Variants in DGLUCY observed in about 807,000 individuals in gnomAD.
DGLUCY encodes D-glutamate cyclase, mitochondrial.
In DGLUCY, 58 loss-of-function variants were observed where a neutral mutation model predicts 58.5. The observed-to-expected ratio is 0.99, with a 90% CI of 0.80 to 1.23. DGLUCY has a LOEUF of 1.23. Ranked by LOEUF, DGLUCY falls within the 50% of genes most tolerant of loss-of-function variation. The pLI is 0.00. For synonymous variants in DGLUCY, 325 were observed against 314.1 expected (o/e 1.03, Z -0.37); for missense variants, 779 against 784.7 (o/e 0.99, Z 0.09).
chr14:91,217,651 ATTT>A (rs577500781), intron 13 of DGLUCY, among the ~76,000 whole-genome samples: 1 of 151,196 alleles, frequency 6.6e-6, no homozygotes, highest in South Asian at 2.1e-4. Context: ...TGCCCAGCTA[ATTT>A]TTTTTGTATT....
At chr14:91,070,855 C>A (rs2043903205) in intron 1 of DGLUCY, among the ~76,000 whole-genome samples, 1 of 152,060 alleles carries the variant, frequency 6.6e-6, no homozygotes, top group South Asian at 2.1e-4. Context: ...CTTGAGTCAG[C>A]AGGTAGAAAG....
intron 1 of DGLUCY, among the ~76,000 whole-genome samples, chr14:91,130,673 G>C (rs188142603): frequency 9.9e-5 from 15 of 152,144 alleles, no homozygotes; most frequent in African/African-American, 3.6e-4. Context: ...AGGCTGGAGT[G>C]CAGTCGTGCA....
chr14:91,071,118 G>T (rs1414710420), intron 1 of DGLUCY, among the ~76,000 whole-genome samples: 5 of 151,768 alleles, frequency 3.3e-5, no homozygotes, highest in Non-Finnish European at 7.4e-5. Flanking sequence ...AGATCACAAG[G>T]TCAGGAGATA....
intron 6 of DGLUCY, chr14:91,173,711 G>T: frequency 2.7e-6 from 1 of 366,838 alleles, no homozygotes; most frequent in Admixed American, 4.3e-5. Context: ...GGCTCTGGCA[G>T]CTGTATCAGG....
In DGLUCY at chr14:91,224,669, C is replaced by T. The variant is rs769630080; in HGVS notation, c.1717-15C>T. 1 of 1,582,554 alleles carries T rather than the reference C, an allele frequency of 6.3e-7. No individual in the cohort carries two copies. The highest frequency in any genetic ancestry group is 1.1e-5 in the South Asian group (1 of 89,048). The stretch of plus-strand genomic sequence containing the variant: ...CCCCCTCCACTCCTTCTATTTCTGC[C>T]CTATTTTTTTCCAGGAAGAAAAAAT... On this transcript the variant is annotated splice_polypyrimidine_tract_variant and intron_variant, in intron 13 of 13. Coordinates refer to ENST00000256324, the MANE Select transcript of DGLUCY (RefSeq NM_001102368.3).
chr14:91,209,569 G>T (rs1226940567), intron 12 of DGLUCY, among the ~76,000 whole-genome samples: 6 of 152,074 alleles, frequency 3.9e-5, no homozygotes, highest in Admixed American at 6.6e-5. Context: ...TTAGCTGGGC[G>T]TGGTGGCGGG....
chr14:91,194,320 C>T (rs1400480808), intron 9 of DGLUCY, among the ~76,000 whole-genome samples: 1 of 152,152 alleles, frequency 6.6e-6, no homozygotes, highest in Non-Finnish European at 1.5e-5. Flanking sequence ...GCTCTAAGTT[C>T]AGCCCCCTTT....
chr14:91,084,512 C>T (rs1400851806), intron 1 of DGLUCY, among the ~76,000 whole-genome samples: 3 of 152,068 alleles, frequency 2.0e-5, no homozygotes, highest in African/African-American at 7.2e-5. Flanking sequence ...GCCCATCTGT[C>T]TCTCATGCAT....
chr14:91,169,267 A>G (rs2048439907), intron 4 of DGLUCY, among the ~76,000 whole-genome samples: 1 of 152,116 alleles, frequency 6.6e-6, no homozygotes, highest in African/African-American at 2.4e-5. Flanking sequence ...ACCCTACAGA[A>G]GAGTTTCCTT....
intron 1 of DGLUCY, among the ~76,000 whole-genome samples, chr14:91,120,041 T>C (rs2045253260): frequency 6.6e-6 from 1 of 152,146 alleles, no homozygotes; most frequent in East Asian, 1.9e-4. Flanking sequence ...GCTTCCCTGC[T>C]CCTCGGCTTG....
intron 13 of DGLUCY, chr14:91,220,508 C>T (rs765249097): frequency 3.9e-4 from 179 of 456,224 alleles, no homozygotes; most frequent in Non-Finnish European, 5.5e-4. Flanking sequence ...GTGGCCTATG[C>T]CAAGGAGAGC....
Position 91,175,971 on chromosome 14 carries a change from C to A in DGLUCY, c.645C>A (p.Tyr215Ter), listed in dbSNP as rs748049947. 1 of 1,613,902 alleles carries A rather than the reference C, an allele frequency of 6.2e-7. No individual in the cohort carries two copies. The highest frequency in any genetic ancestry group is 8.5e-7 in the Non-Finnish European group (1 of 1,179,922). ...TCAAAGAGCTTTCCAAACCTGCCTA[C>A]GGGGATGCCATGGTGTGTCCCCCAG... ...LGIKELSKPA[Y>*]GDAMVCPPGE... Residue 215 changes from tyrosine to a stop codon, truncating the protein, a stop_gained, in exon 7 of 14, where the codon TAC (tyrosine) becomes TAA (stop). Coordinates refer to ENST00000256324, the MANE Select transcript of DGLUCY (RefSeq NM_001102368.3). LOFTEE classifies it high-confidence loss of function.
chr14:91,162,590 T>A (rs763750709), intron 3 of DGLUCY, among the ~76,000 whole-genome samples: 18 of 152,002 alleles, frequency 1.2e-4, no homozygotes, highest in Non-Finnish European at 1.8e-4. Flanking sequence ...CCTGCAAAGT[T>A]CATTTAATTA....
At chr14:91,083,379 G>T (rs888022204) in intron 1 of DGLUCY, among the ~76,000 whole-genome samples, 1 of 152,022 alleles carries the variant, frequency 6.6e-6, no homozygotes, top group African/African-American at 2.4e-5. Flanking sequence ...AAAATTAGCT[G>T]GGCATGATGG....
intron 1 of DGLUCY, among the ~76,000 whole-genome samples, chr14:91,144,307 C>T (rs1488222887): frequency 1.3e-5 from 2 of 152,110 alleles, no homozygotes; most frequent in Admixed American, 6.6e-5. Flanking sequence ...CACAGTGGCT[C>T]CCAGGACTTT....
chr14:91,151,717 C>T (rs866742186), intron 1 of DGLUCY, among the ~76,000 whole-genome samples: 120 of 144,516 alleles, frequency 8.3e-4, no homozygotes, highest in Middle Eastern at 7.9e-3. Flanking sequence ...TGCAGTGGTG[C>T]GATCTTGGCT....
chr14:91,202,175 G>A (rs186756156), intron 11 of DGLUCY, among the ~76,000 whole-genome samples: 4 of 152,238 alleles, frequency 2.6e-5, no homozygotes, highest in East Asian at 3.9e-4. Flanking sequence ...AACCCTGTGA[G>A]GCAGGTAAGG....
rs372446569 is a variant in DGLUCY at position 91,127,607 on chromosome 14, G to C, written c.-82+13324G>C. On this transcript the variant is annotated intron_variant, in intron 1 of 13. Transcript: ENST00000256324. ...GGTTTGGCCAGGCAGGGAACGCCGG[G>C]CAGAAGTGGCTGGCAGGGAGCCAGG... 2.8e-4 allele frequency among the ~76,000 whole-genome samples: 42 copies of C among 152,380 alleles called. No homozygotes were observed. In the East Asian group the frequency reaches 4.8e-3, roughly 17 times the overall value.
At chr14:91,117,460 CT>C (rs892499161) in intron 1 of DGLUCY, among the ~76,000 whole-genome samples, 1 of 152,144 alleles carries the variant, frequency 6.6e-6, no homozygotes, top group Non-Finnish European at 1.5e-5. Context: ...GACACTTGGG[CT>C]TGACTGCTGG....
Sources: allele counts gnomAD v4.1 joint callset (sites outside exome capture counted in the v4.1 genomes callset), GRCh38; gene constraint gnomAD v4.1.1; transcripts MANE v1.5; gene names NCBI Gene and HGNC (gene_info 2026-07-23, HGNC 2026-07-21).